MEGF11: variants seen among roughly 807,000 people sequenced by gnomAD.
MEGF11 encodes multiple EGF like domains 11.
A neutral mutation model predicts 146.6 loss-of-function variants in MEGF11; 126 were observed. The ratio of observed to expected loss-of-function variants is 0.86; its 90% CI spans 0.74 to 1.00. The LOEUF is 1.00. MEGF11 is among the 50% of genes least tolerant of loss of function. The pLI is 0.00. For synonymous variants in MEGF11, 532 were observed against 583.4 expected, an observed-to-expected ratio of 0.91 and a Z score of 1.27; for missense variants, 1,509 against 1,521.2, an observed-to-expected ratio of 0.99 and a Z score of 0.13.
At chr15:66,035,709 A>T (rs2083701742) in intron 5 of MEGF11, among the ~76,000 whole-genome samples, 1 of 152,264 alleles carries the variant, frequency 6.6e-6, no homozygotes, top group South Asian at 2.1e-4. Flanking sequence ...AGGAGAAGAC[A>T]AATTGTCAGT....
chr15:66,228,197 G>A (rs569353933), intron 1 of MEGF11, among the ~76,000 whole-genome samples: 2 of 152,068 alleles, frequency 1.3e-5, no homozygotes, highest in Non-Finnish European at 2.9e-5. Flanking sequence ...CGAGACCAGG[G>A]GAGCTTAGCA....
intron 5 of MEGF11, among the ~76,000 whole-genome samples, chr15:65,991,803 C>G (rs1024005865): frequency 6.6e-6 from 1 of 152,240 alleles, no homozygotes; most frequent in Non-Finnish European, 1.5e-5. Flanking sequence ...AACTGGAGAG[C>G]TGCATTTGAA....
intron 5 of MEGF11, among the ~76,000 whole-genome samples, chr15:66,017,900 A>T (rs2082949217): frequency 6.6e-6 from 1 of 152,188 alleles, no homozygotes; most frequent in Admixed American, 6.5e-5. Context: ...AGACAGAGAG[A>T]TGAGAGGCAG....
At chr15:65,946,105 A>G (rs932585231) in intron 10 of MEGF11, among the ~76,000 whole-genome samples, 19 of 152,334 alleles carry the variant, frequency 1.2e-4, no homozygotes, top group African/African-American at 4.6e-4. Flanking sequence ...AGTGCTATAG[A>G]TGCTTTCAGC....
At chr15:66,126,940 C>A (rs947562216) in intron 2 of MEGF11, among the ~76,000 whole-genome samples, 4 of 152,268 alleles carry the variant, frequency 2.6e-5, no homozygotes, top group Admixed American at 1.3e-4. Flanking sequence ...TCGAATGCAC[C>A]TCCCGTGAGT....
chr15:66,244,496 GT>G (rs558212116), intron 1 of MEGF11, among the ~76,000 whole-genome samples: 6 of 152,222 alleles, frequency 3.9e-5, no homozygotes, highest in Admixed American at 3.3e-4. Context: ...GCACCCAAAG[GT>G]CGGGAGAACT....
chr15:66,065,837 T>TG (rs2085101134), intron 5 of MEGF11, among the ~76,000 whole-genome samples: 1 of 152,084 alleles, frequency 6.6e-6, no homozygotes, highest in Admixed American at 6.5e-5. Context: ...CCCGGCGAAG[T>TG]GGGGGAGCAG....
intron 1 of MEGF11, among the ~76,000 whole-genome samples, chr15:66,170,505 C>G (rs966745178): frequency 6.6e-6 from 1 of 152,210 alleles, no homozygotes; most frequent in Non-Finnish European, 1.5e-5. Flanking sequence ...GGCCCAGCTT[C>G]CTGGCCTATC....
At chr15:66,135,431 G>A (rs1251230394) in intron 1 of MEGF11, among the ~76,000 whole-genome samples, 4 of 152,192 alleles carry the variant, frequency 2.6e-5, no homozygotes, top group African/African-American at 4.8e-5. Context: ...AGACTCAGGC[G>A]GGGCCCTGCC....
chr15:66,206,189 G>A (rs778228666), intron 1 of MEGF11, among the ~76,000 whole-genome samples: 2 of 152,164 alleles, frequency 1.3e-5, no homozygotes, highest in Non-Finnish European at 2.9e-5. Context: ...GAGAAAAGCA[G>A]CAGTGAACTG....
chr15:66,243,502 G>A (rs368854059), intron 1 of MEGF11, among the ~76,000 whole-genome samples: 3 of 152,162 alleles, frequency 2.0e-5, no homozygotes, highest in Admixed American at 2.0e-4. Flanking sequence ...AGCTGGGAGC[G>A]GGGCAATCTT....
chr15:66,005,604 C>T (rs1381723264), intron 5 of MEGF11, among the ~76,000 whole-genome samples: 1 of 152,156 alleles, frequency 6.6e-6, no homozygotes. Context: ...GTTGGCTTCC[C>T]TGTGGGTAAA....
At chr15:66,061,157 C>T (rs1309982277) in intron 5 of MEGF11, among the ~76,000 whole-genome samples, 2 of 152,220 alleles carry the variant, frequency 1.3e-5, no homozygotes, top group African/African-American at 2.4e-5. Flanking sequence ...TGAAGGCTGT[C>T]ACCTCAAAAC....
At chr15:65,964,852 T>C in intron 9 of MEGF11, 56 bp downstream of exon 9, 1 of 1,475,486 alleles carries the variant, frequency 6.8e-7, no homozygotes, top group Non-Finnish European at 9.1e-7. Context: ...GCAAGCCTCC[T>C]CTCTACCTGA....
At chr15:66,048,144 C>T (rs902193679) in intron 5 of MEGF11, among the ~76,000 whole-genome samples, 6 of 152,162 alleles carry the variant, frequency 3.9e-5, no homozygotes, top group Non-Finnish European at 8.8e-5. Flanking sequence ...CAGGGTTTCA[C>T]CATGTTGGCC....
intron 4 of MEGF11, among the ~76,000 whole-genome samples, chr15:66,108,368 A>G (rs919372759): frequency 1.3e-5 from 2 of 152,216 alleles, no homozygotes; most frequent in Admixed American, 1.3e-4. Flanking sequence ...CTGGCACATC[A>G]TGACCCACTG....
intron 12 of MEGF11, 56 bp from the exon 13 acceptor site, chr15:65,928,583 G>T (rs535371598): frequency 2.5e-6 from 3 of 1,197,342 alleles, no homozygotes; most frequent in Non-Finnish European, 3.6e-6. Flanking sequence ...AGAGGTTTGT[G>T]TACTTCTATG....
intron 4 of MEGF11, among the ~76,000 whole-genome samples, chr15:66,110,846 C>T (rs1372338813): frequency 6.6e-6 from 1 of 152,154 alleles, no homozygotes; most frequent in African/African-American, 2.4e-5. Context: ...CTCCACCCCC[C>T]ATGCCCTCTT....
At chr15:66,237,262 C>T (rs1379553161) in intron 1 of MEGF11, among the ~76,000 whole-genome samples, 1 of 152,158 alleles carries the variant, frequency 6.6e-6, no homozygotes, top group East Asian at 1.9e-4. Context: ...GGTGTCTTAT[C>T]GGCCAGAGAA....
Sources: gnomAD v4.1 joint callset for allele counts (sites outside exome capture counted in the v4.1 genomes callset) on GRCh38, gnomAD v4.1.1 for gene constraint, MANE v1.5 for transcripts, NCBI Gene and HGNC (gene_info 2026-07-23, HGNC 2026-07-21) for gene names.